The following FYTTD1 variants were observed in gnomAD, a reference collection of about 807,000 sequenced individuals.
FYTTD1 encodes the protein forty-two-three domain containing 1.
FYTTD1 carries 22 observed loss-of-function variants against 40.9 expected under a neutral mutation model. That is an observed-to-expected ratio of 0.54 (90% CI 0.38 to 0.77). The LOEUF (loss-of-function observed/expected upper bound fraction) is 0.77. Among genes scored for constraint, FYTTD1 ranks in the 30% least tolerant of loss-of-function variants. The pLI, the probability that FYTTD1 is intolerant of heterozygous loss-of-function variation, is 0.00. For synonymous variants in FYTTD1, 140 were observed against 137.9 expected (o/e 1.01, Z -0.10); for missense variants, 351 against 392.2 (o/e 0.90, Z 0.89).
chr3:197,776,184 A>G (rs1319982931), intron 6 of FYTTD1, among the ~76,000 whole-genome samples: 2 of 152,008 alleles, frequency 1.3e-5, no homozygotes, highest in South Asian at 2.1e-4. Context: ...TTGACGAACT[A>G]AATCTTTATT....
intron 6 of FYTTD1, among the ~76,000 whole-genome samples, chr3:197,774,917 G>A (rs1729832856): frequency 6.6e-6 from 1 of 152,232 alleles, no homozygotes; most frequent in African/African-American, 2.4e-5. Flanking sequence ...TTTAAACATT[G>A]AGGCTAAAAT....
At chr3:197,780,436 G>A (rs992065200) in intron 8 of FYTTD1, among the ~76,000 whole-genome samples, 4 of 152,250 alleles carry the variant, frequency 2.6e-5, no homozygotes, top group African/African-American at 9.6e-5. Context: ...AGGACCTCCA[G>A]TCCAATGTTG....
At chr3:197,753,559 GTATC>G (rs1350413469) in intron 1 of FYTTD1, among the ~76,000 whole-genome samples, 2 of 149,984 alleles carry the variant, frequency 1.3e-5, no homozygotes, top group African/African-American at 2.5e-5. Context: ...TGATACCTGT[GTATC>G]TATTCATTGG....
intron 4 of FYTTD1, among the ~76,000 whole-genome samples, chr3:197,773,110 C>T (rs1729765138): frequency 6.6e-6 from 1 of 152,114 alleles, no homozygotes; most frequent in Admixed American, 6.5e-5. Context: ...TAGGAAATAG[C>T]ACTAAAAATG....
At position 197,750,214 on chromosome 3, in the gene FYTTD1, C is replaced by T. The variant is rs1023207391; in HGVS notation, c.103+140C>T. 3.6e-5 allele frequency: 30 copies of T among 840,784 alleles called. No homozygotes were observed. In the African/African-American group the frequency reaches 4.8e-4, roughly 14 times the overall value. 52.1% of individuals were successfully genotyped at this position (840,784 alleles called of 1,614,324 possible). A position where few individuals can be genotyped will look rare whatever the true frequency, so the allele number is the denominator to read the frequency against. ...CTGGTGGGCGGACCCGAGCGGAGGC[C>T]CGGAGGACAGCCGGGAGCGCAGGCT... On this transcript the variant is annotated intron_variant, in intron 1 of 8. Transcript: ENST00000241502.
chr3:197,784,282 T>A lies in FYTTD1; in HGVS notation c.*2373T>A, dbSNP rs559929549. ...CTGTTCATTTTTAACAAATAAAATG[T>A]TACAGGTTTCACATGATTTATTCTC... On this transcript the variant is annotated 3_prime_UTR_variant, in exon 9 of 9. Coordinates refer to ENST00000241502, the MANE Select transcript of FYTTD1 (RefSeq NM_032288.7). 7.2e-5 allele frequency: 11 copies of A among 152,364 alleles called. No homozygotes were observed. In the East Asian group the frequency reaches 1.7e-3, roughly 24 times the overall value. The allele number at this position is 152,364 out of a possible 1,614,324, so 9.4% of individuals were successfully genotyped here. A position where few individuals can be genotyped will look rare whatever the true frequency, so the allele number is the denominator to read the frequency against.
chr3:197,757,443 A>G (rs942395286), intron 2 of FYTTD1, among the ~76,000 whole-genome samples: 2 of 152,238 alleles, frequency 1.3e-5, no homozygotes, highest in East Asian at 3.8e-4. Flanking sequence ...CAGTAGGTTG[A>G]ACATAATTAG....
At chr3:197,775,955 A>T (rs1045526718) in intron 6 of FYTTD1, among the ~76,000 whole-genome samples, 7 of 152,238 alleles carry the variant, frequency 4.6e-5, no homozygotes, top group Admixed American at 3.9e-4. Flanking sequence ...TAATGTGAAT[A>T]TAAAGGAAGA....
At chr3:197,778,651 T>C (rs1056102795) in intron 8 of FYTTD1, among the ~76,000 whole-genome samples, 187 bp downstream of exon 8, 1 of 152,258 alleles carries the variant, frequency 6.6e-6, no homozygotes, top group African/African-American at 2.4e-5. Context: ...TCATACGGTA[T>C]ACATTTGTGA....
At chr3:197,760,043 CGTGGTAGAACGTATAGAGTTGTTCTTCA>C (rs1729331674) in intron 2 of FYTTD1, among the ~76,000 whole-genome samples, 2 of 139,034 alleles carry the variant, frequency 1.4e-5, no homozygotes, top group Non-Finnish European at 1.6e-5. Flanking sequence ...GTTGTTCTTC[CGTGGTAGAACGTATAGAGTTGTTCTTCA>C]GTGGTAGAAC....
chr3:197,751,161 A>G (rs541241092), intron 1 of FYTTD1, among the ~76,000 whole-genome samples: 2 of 151,848 alleles, frequency 1.3e-5, no homozygotes, highest in African/African-American at 4.8e-5. Flanking sequence ...ATTTCTTCCC[A>G]TTTGTCTTGT....
At position 197,773,386 on chromosome 3, in the gene FYTTD1, A is replaced by G. The variant is rs756567730; in HGVS notation, c.498-17A>G. ...GTAGTTAAATGGCTTAGCATGGCCT[A>G]TGTGTTTTTGTTGCAGAAATAACAT... On this transcript the variant is annotated splice_polypyrimidine_tract_variant and intron_variant, in intron 4 of 8. Coordinates refer to ENST00000241502, the MANE Select transcript of FYTTD1 (RefSeq NM_032288.7). 1.8e-5 allele frequency: 27 copies of G among 1,464,864 alleles called. No individual in the cohort carries two copies. The highest frequency in any genetic ancestry group is 2.6e-5 in the Non-Finnish European group (27 of 1,049,240). 90.7% of individuals were successfully genotyped at this position (1,464,864 alleles called of 1,614,324 possible).
chr3:197,749,569 C>T, upstream of FYTTD1: 1 of 1,290,968 alleles, frequency 7.7e-7, no homozygotes, highest in South Asian at 1.2e-5. Flanking sequence ...CTCGTGTGTA[C>T]CGAAGTATAG....
At chr3:197,762,341 A>G (rs1729412318) in intron 2 of FYTTD1, among the ~76,000 whole-genome samples, 1 of 152,188 alleles carries the variant, frequency 6.6e-6, no homozygotes, top group South Asian at 2.1e-4. Context: ...CTGTAATCCC[A>G]GCACTTTGGG....
rs1017688935 is a variant in FYTTD1 at position 197,775,010 on chromosome 3, G to A, written c.656+800G>A. ...GTGTCGATATTGTAACAGTTTTAGTGCCACGTAGATTACTTCATTTTTATT... is the reference window on the plus strand; with the variant it reads ...GTGTCGATATTGTAACAGTTTTAGTACCACGTAGATTACTTCATTTTTATT... On this transcript the variant is annotated intron_variant, in intron 6 of 8. Coordinates refer to ENST00000241502, the MANE Select transcript of FYTTD1 (RefSeq NM_032288.7). Among the ~76,000 whole-genome samples, 4 of 152,308 alleles carry A rather than the reference G, an allele frequency of 2.6e-5. No homozygotes were observed. In the East Asian group the frequency reaches 7.7e-4, roughly 29 times the overall value.
chr3:197,776,984 A>G lies in FYTTD1; in HGVS notation c.714A>G (p.Gly238=). ...TGACTGTATCTATTGACAATCCTGGAGCAGTGCAATGCCCAGTGTAAGTTG... is the reference window on the plus strand; with the variant it reads ...TGACTGTATCTATTGACAATCCTGGGGCAGTGCAATGCCCAGTGTAAGTTG... The part of the protein sequence containing the change: ...GILTVSIDNP[G]AVQCPVTQKP... Residue 238 remains glycine (G), a synonymous_variant, in exon 7 of 9, where the codon GGA becomes GGG. Coordinates refer to ENST00000241502, the MANE Select transcript of FYTTD1 (RefSeq NM_032288.7). The G allele has an allele frequency of 6.2e-7, 1 of 1,609,258 alleles. No individual in the cohort carries two copies. The highest frequency in any genetic ancestry group is 1.1e-5 in the South Asian group (1 of 90,720).
chr3:197,758,401 G>A (rs887148220), intron 2 of FYTTD1, among the ~76,000 whole-genome samples: 8 of 152,086 alleles, frequency 5.3e-5, no homozygotes, highest in Admixed American at 3.3e-4. Context: ...GGTCCTAGGG[G>A]GTACATAAAG....
chr3:197,760,905 A>G (rs1347064952), intron 2 of FYTTD1, among the ~76,000 whole-genome samples: 3 of 146,494 alleles, frequency 2.0e-5, no homozygotes, highest in African/African-American at 8.0e-5. Flanking sequence ...GTTGTTCCTC[A>G]GTGGTAGAAC....
intron 5 of FYTTD1, 92 bp from the exon 6 acceptor site, chr3:197,774,057 A>G: frequency 9.6e-7 from 1 of 1,039,290 alleles, no homozygotes; most frequent in Non-Finnish European, 1.5e-6. Context: ...ATGTACACGC[A>G]CCACTGGGTT....
Sources: allele counts gnomAD v4.1 joint callset (sites outside exome capture counted in the v4.1 genomes callset), GRCh38; gene constraint gnomAD v4.1.1; transcripts MANE v1.5; gene names NCBI Gene and HGNC (gene_info 2026-07-23, HGNC 2026-07-21).